MON2: variants seen among roughly 807,000 people sequenced by gnomAD.
MON2 encodes MON2 regulator of endosome-to-Golgi trafficking, also known as protein MON2 homolog.
Under a neutral mutation model 208.6 loss-of-function variants are expected in MON2, and 84 were observed. That is an observed-to-expected ratio of 0.40 (90% CI 0.34 to 0.48). MON2 has a LOEUF of 0.48. MON2 is among the 20% of genes least tolerant of loss of function. The pLI is 0.59. For synonymous variants in MON2, 660 were observed against 694.0 expected (o/e 0.95, Z 0.77); for missense variants, 1,611 against 2,015.4 (o/e 0.80, Z 3.84).
chr12:62,510,336 A>G (rs970515956), intron 8 of MON2, among the ~76,000 whole-genome samples: 7 of 152,066 alleles, frequency 4.6e-5, no homozygotes, highest in African/African-American at 1.7e-4. Context: ...ACTACAAGGA[A>G]AAAAAAACAG....
intron 6 of MON2, 47 bp downstream of exon 6, chr12:62,500,927 T>G: frequency 8.2e-7 from 1 of 1,226,650 alleles, no homozygotes; most frequent in South Asian, 1.5e-5. Context: ...TATAGTTTTG[T>G]GTGAATTTTT....
chr12:62,553,433 CT>C, intron 24 of MON2: 41 of 319,022 alleles, frequency 1.3e-4, no homozygotes, highest in Non-Finnish European at 1.6e-4. Flanking sequence ...TTTCTGTCTC[CT>C]TTTTTTCCCC....
At chr12:62,528,701 A>G (rs1475016147) in intron 11 of MON2, among the ~76,000 whole-genome samples, 6 of 152,326 alleles carry the variant, frequency 3.9e-5, no homozygotes, top group African/African-American at 1.4e-4. Context: ...CATTTTCCCA[A>G]TAGATCACAT....
chr12:62,480,750 G>A (rs1322934810), intron 1 of MON2, among the ~76,000 whole-genome samples: 8 of 152,186 alleles, frequency 5.3e-5, no homozygotes, highest in South Asian at 2.1e-4. Flanking sequence ...TTTGGAAACC[G>A]TTAAGGTTTG....
At chr12:62,557,790 T>C (rs2074023786) in intron 25 of MON2, among the ~76,000 whole-genome samples, 1 of 151,142 alleles carries the variant, frequency 6.6e-6, no homozygotes, top group Non-Finnish European at 1.5e-5. Context: ...TATTTTTAAA[T>C]ATTGGGATTT....
chr12:62,493,945 A>C lies in MON2; in HGVS notation c.206A>C (p.Gln69Pro). The C allele has an allele frequency of 3.7e-6, 6 of 1,610,284 alleles. No individual in the cohort carries two copies. Among genetic ancestry groups the C allele is most frequent in the Non-Finnish European group, 5.1e-6 (6 of 1,177,494 alleles). Reference protein sequence around the residue: ...ALKENSSEVVQPFLMGCGTKE... With the variant: ...ALKENSSEVVPPFLMGCGTKE... Reference sequence around the variant, plus strand: ...AAAGAGAACAGCTCAGAGGTTGTACAGCCTTTTTTAATGGGTTGTGGAACC... The same window carrying C: ...AAAGAGAACAGCTCAGAGGTTGTACCGCCTTTTTTAATGGGTTGTGGAACC... The change falls in exon 3 of 35, where the codon CAG becomes CCG. Residue 69 changes from glutamine (Q) to proline (P), a missense_variant. Gln to Pro is a moderately conservative substitution (Grantham distance 76). Coordinates refer to ENST00000393630, the MANE Select transcript of MON2 (RefSeq NM_015026.3).
intron 4 of MON2, among the ~76,000 whole-genome samples, chr12:62,496,870 C>T (rs906042986): frequency 6.7e-5 from 10 of 148,848 alleles, no homozygotes; most frequent in South Asian, 4.3e-4. Context: ...ATGTTTATTG[C>T]GGCACTATTC....
intron 8 of MON2, among the ~76,000 whole-genome samples, chr12:62,512,628 C>T (rs990508752): frequency 7.9e-5 from 12 of 152,166 alleles, no homozygotes; most frequent in African/African-American, 2.9e-4. Context: ...GTGGGTCTTC[C>T]AGGTGCATGG....
intron 30 of MON2, 126 bp downstream of exon 30, chr12:62,571,708 AAC>A: frequency 1.3e-6 from 1 of 759,398 alleles, no homozygotes; most frequent in Non-Finnish European, 2.0e-6. Context: ...TTGTATTAAA[AAC>A]ACACCTGAAT....
chr12:62,580,189 GTTCT>G lies in MON2; in HGVS notation c.4576-105_4576-102del, dbSNP rs890261152. On this transcript the variant is annotated intron_variant, in intron 31 of 34. Coordinates refer to ENST00000393630, the MANE Select transcript of MON2 (RefSeq NM_015026.3). ...TGTTTGTGTACTTCTTTAAAGGAGA[GTTCT>G]TTAACTGATTTTCATTTAAAGTAAA... The G allele has an allele frequency of 8.5e-6, 9 of 1,054,748 alleles. No individual in the cohort carries two copies. The African/African-American group carries it at 9.7e-5, about 11-fold the overall frequency. 65.3% of individuals were successfully genotyped at this position (1,054,748 alleles called of 1,614,324 possible). A position where few individuals can be genotyped will look rare whatever the true frequency, so the allele number is the denominator to read the frequency against.
chr12:62,557,928 TTATATATATATATA>T lies in MON2; in HGVS notation c.3409+1758_3409+1771del, dbSNP rs71086609. ...TCTTAAAAGCTGAGAACGAATAGAT[TTATATATATATATA>T]TATATATATATATATATATATTTTT... On this transcript the variant is annotated intron_variant, in intron 25 of 34. Transcript: ENST00000393630. Among the ~76,000 whole-genome samples, 15 of 46,136 alleles carry T rather than the reference TTATATATATATATA, an allele frequency of 3.3e-4. No individual in the cohort carries two copies. In the East Asian group the frequency reaches 4.6e-3, roughly 14 times the overall value. 30.3% of individuals were successfully genotyped at this position (46,136 alleles called of 152,430 possible).
At chr12:62,480,112 AT>A (rs1352005919) in intron 1 of MON2, among the ~76,000 whole-genome samples, 1 of 152,212 alleles carries the variant, frequency 6.6e-6, no homozygotes, top group Non-Finnish European at 1.5e-5. Context: ...ATTCCAGAGT[AT>A]TTTGACAGTA....
chr12:62,553,424 T>A, intron 24 of MON2: 1 of 336,178 alleles, frequency 3.0e-6, no homozygotes. Flanking sequence ...GCCTTTGCCT[T>A]TCTGTCTCCT....
chr12:62,571,053 G>A (rs759112787), intron 29 of MON2, among the ~76,000 whole-genome samples: 12 of 151,760 alleles, frequency 7.9e-5, no homozygotes, highest in Non-Finnish European at 1.5e-4. Flanking sequence ...CCATAACATC[G>A]GGTTAAGAAA....
In MON2 at chr12:62,600,163, T is replaced by A. The variant is rs1380946680; in HGVS notation, c.*7414T>A. 1 of 152,200 alleles carries A rather than the reference T, an allele frequency of 6.6e-6. No homozygotes were observed. Among genetic ancestry groups the A allele is most frequent in the South Asian group, 2.1e-4 (1 of 4,836 alleles). The allele number at this position is 152,200 out of a possible 1,614,324, so 9.4% of individuals were successfully genotyped here. On this transcript the variant is annotated 3_prime_UTR_variant, in exon 35 of 35. Coordinates refer to ENST00000393630, the MANE Select transcript of MON2 (RefSeq NM_015026.3). ...GTGGTATTTAACAGAATTCAAAATG[T>A]AGTGTGTTCTAAAGCGCTGTGCCTG...
intron 21 of MON2, among the ~76,000 whole-genome samples, chr12:62,545,389 A>T (rs2073436679): frequency 6.6e-6 from 1 of 151,936 alleles, no homozygotes; most frequent in African/African-American, 2.4e-5. Flanking sequence ...CAGAAGAAAC[A>T]AGCACAATGA....
At chr12:62,516,085 C>T (rs2071673713) in intron 8 of MON2, among the ~76,000 whole-genome samples, 1 of 152,038 alleles carries the variant, frequency 6.6e-6, no homozygotes, top group South Asian at 2.1e-4. Flanking sequence ...TACTATTCAA[C>T]CATAAAAAGA....
Position 62,600,346 on chromosome 12 carries a change from C to T in MON2, c.*7597C>T, listed in dbSNP as rs186550631. 2 of 152,326 alleles carry T rather than the reference C, an allele frequency of 1.3e-5. No individual in the cohort carries two copies. Among genetic ancestry groups the T allele is most frequent in the Non-Finnish European group, 2.9e-5 (2 of 68,032 alleles). 9.4% of individuals were successfully genotyped at this position (152,326 alleles called of 1,614,324 possible). A position where few individuals can be genotyped will look rare whatever the true frequency, so the allele number is the denominator to read the frequency against. On this transcript the variant is annotated 3_prime_UTR_variant, in exon 35 of 35. Coordinates refer to ENST00000393630, the MANE Select transcript of MON2 (RefSeq NM_015026.3). ...TTAAGAATCTACTGTGTGCTAATAA[C>T]TGTGTCCTTGCTGTATGACAGAAGC...
chr12:62,549,176 GT>G (rs1245594800), intron 22 of MON2, among the ~76,000 whole-genome samples: 2 of 151,834 alleles, frequency 1.3e-5, no homozygotes, highest in Non-Finnish European at 2.9e-5. Context: ...CTTTGTTTTT[GT>G]TAATTTGTTT....
Sources: gnomAD v4.1 joint callset for allele counts (sites outside exome capture counted in the v4.1 genomes callset) on GRCh38, gnomAD v4.1.1 for gene constraint, MANE v1.5 for transcripts, NCBI Gene and HGNC (gene_info 2026-07-23, HGNC 2026-07-21) for gene names.